NTRK1: variants seen among roughly 807,000 people sequenced by gnomAD.
The protein encoded by NTRK1 is high affinity nerve growth factor receptor.
Under a neutral mutation model 86.8 loss-of-function variants are expected in NTRK1, and 62 were observed. The ratio of observed to expected loss-of-function variants is 0.71; its 90% CI spans 0.58 to 0.88. The LOEUF (loss-of-function observed/expected upper bound fraction) is 0.88, where lower values mean the gene tolerates loss of function less well. Among genes scored for constraint, NTRK1 ranks in the 40% least tolerant of loss-of-function variants. NTRK1 has a pLI of 0.00. For synonymous variants in NTRK1, 469 were observed against 456.6 expected (o/e 1.03, Z -0.35); for missense variants, 967 against 1,078.4 (o/e 0.90, Z 1.45).
chr1:156,853,511 C>T (rs144854565), intron 2 of NTRK1, among the ~76,000 whole-genome samples: 5 of 152,340 alleles, frequency 3.3e-5, no homozygotes, highest in African/African-American at 9.6e-5. Flanking sequence ...CCCATGCCCA[C>T]CTTGAACCTG....
chr1:156,851,502 GAA>G, intron 2 of NTRK1: 1 of 1,607,062 alleles, frequency 6.2e-7, no homozygotes. Context: ...CAAGGGGGCT[GAA>G]TGGGGGCCCC....
intron 12 of NTRK1, 34 bp downstream of exon 12, chr1:156,875,700 AGTGT>A (rs56185968): frequency 0.012 from 17,002 of 1,378,808 alleles, 7 homozygotes; most frequent in East Asian, 0.045. Flanking sequence ...GGCAGGGACG[AGTGT>A]GTGTGTGTGT....
rs139875058 is a variant in NTRK1, at chr1:156,873,803, G to A, written c.1021G>A (p.Val341Met). Residue 341 changes from valine to methionine, a missense_variant, in exon 8 of 17, where the codon GTG (valine) becomes ATG (methionine). Val to Met is a conservative substitution (Grantham distance 21). Coordinates refer to ENST00000524377, the MANE Select transcript of NTRK1 (RefSeq NM_002529.4). ...EFLEPAANET[V>M]RHGCLRLNQP... is the part of the protein sequence containing the mutation. ...CCTGGAGCCGGCAGCCAATGAGACCGTGCGGCACGGGTGTCTGCGCCTCAA... is the reference window on the plus strand; with the variant it reads ...CCTGGAGCCGGCAGCCAATGAGACCATGCGGCACGGGTGTCTGCGCCTCAA... 24 of 1,612,896 alleles carry A rather than the reference G, an allele frequency of 1.5e-5. No individual in the cohort carries two copies. The highest frequency in any genetic ancestry group is 8.9e-5 in the East Asian group (4 of 44,864).
intron 1 of NTRK1, among the ~76,000 whole-genome samples, chr1:156,862,011 C>T (rs997563302): frequency 2.0e-5 from 3 of 152,182 alleles, no homozygotes; most frequent in African/African-American, 4.8e-5. Context: ...CTGGAAAATA[C>T]TTGAATATTA....
At chr1:156,826,069 C>G (rs1442707836) in intron 1 of NTRK1, among the ~76,000 whole-genome samples, 1 of 152,096 alleles carries the variant, frequency 6.6e-6, no homozygotes, top group Non-Finnish European at 1.5e-5. Context: ...ACGCAGCCCC[C>G]CACAGATGGG....
intron 4 of NTRK1, among the ~76,000 whole-genome samples, chr1:156,867,622 A>T (rs116134566): frequency 0.039 from 5,751 of 147,426 alleles, 166 homozygotes; most frequent in East Asian, 0.1. Flanking sequence ...TGTGAGTCAC[A>T]GCGCCTGGCT....
chr1:156,847,676 T>G (rs1200850184), intron 2 of NTRK1, among the ~76,000 whole-genome samples: 12 of 140,802 alleles, frequency 8.5e-5, no homozygotes, highest in South Asian at 2.4e-4. Context: ...GTTGGGGGGG[T>G]GGGGGCTCAT....
At chr1:156,833,557 C>A (rs1346317939) in intron 1 of NTRK1, among the ~76,000 whole-genome samples, 121 of 147,940 alleles carry the variant, frequency 8.2e-4, no homozygotes, top group South Asian at 1.5e-3. Context: ...GACTCCGTCT[C>A]AAAAAATAAA....
intron 1 of NTRK1, among the ~76,000 whole-genome samples, chr1:156,832,255 G>A (rs1432179329): frequency 1.3e-5 from 2 of 152,160 alleles, no homozygotes. Flanking sequence ...AATTCATCAA[G>A]CATCTATTTG....
At chr1:156,827,701 A>G (rs1398491697) in intron 1 of NTRK1, among the ~76,000 whole-genome samples, 1 of 152,126 alleles carries the variant, frequency 6.6e-6, no homozygotes, top group East Asian at 1.9e-4. Context: ...CTGGCTGCAT[A>G]TTAGTGCCTC....
At chr1:156,866,869 T>A (rs759486005) in intron 3 of NTRK1, 41 bp from the exon 4 acceptor site, 1 of 1,604,612 alleles carries the variant, frequency 6.2e-7, no homozygotes, top group South Asian at 1.1e-5. Flanking sequence ...TGAGGTCGGG[T>A]CACTCAAGGG....
intron 1 of NTRK1, among the ~76,000 whole-genome samples, chr1:156,824,611 G>A (rs766950466): frequency 3.9e-5 from 6 of 152,174 alleles, no homozygotes; most frequent in Non-Finnish European, 7.4e-5. Flanking sequence ...GTCACTTGGT[G>A]CCCATTGGTC....
intron 4 of NTRK1, among the ~76,000 whole-genome samples, chr1:156,867,894 C>T (rs1016447478): frequency 1.3e-4 from 19 of 148,946 alleles, no homozygotes; most frequent in Admixed American, 8.0e-4. Flanking sequence ...AGGATGGTCT[C>T]GATCTTCTGA....
intron 2 of NTRK1, chr1:156,845,283 G>A: frequency 6.2e-7 from 1 of 1,612,560 alleles, no homozygotes; most frequent in South Asian, 1.1e-5. Context: ...GCCCGGCGGT[G>A]CCGCCCTGAG....
At chr1:156,849,513 G>GGGGGGCTGGGGGGGGT in intron 2 of NTRK1, 1 of 486,120 alleles carries the variant, frequency 2.1e-6, no homozygotes, top group Non-Finnish European at 4.1e-6. Context: ...CAGGGGGTGG[G>GGGGGGCTGGGGGGGGT]AAAGGGGATG....
chr1:156,879,024 C>A (rs2102923553), intron 14 of NTRK1, 98 bp from the exon 15 acceptor site: 3 of 1,417,582 alleles, frequency 2.1e-6, no homozygotes, highest in Non-Finnish European at 2.9e-6. Flanking sequence ...GGTCCCCAGT[C>A]TCCTCTCCCA....
chr1:156,831,513 G>C (rs777761576), intron 1 of NTRK1, among the ~76,000 whole-genome samples: 11 of 152,152 alleles, frequency 7.2e-5, no homozygotes, highest in South Asian at 2.1e-4. Flanking sequence ...GTGCTTGGAG[G>C]GGGTGGACAG....
At position 156,862,510 on chromosome 1, in the gene NTRK1, A is replaced by T. The variant is rs180892845; in HGVS notation, c.212+1364A>T. ...GGGATGGGAGTGGTAGGGGGAGTGG[A>T]CAGGCCAGAACTGGGGACTAGCAAG... On this transcript the variant is annotated intron_variant, in intron 1 of 16. Transcript: ENST00000524377. Among the ~76,000 whole-genome samples, 723 of 152,202 alleles carry T rather than the reference A, an allele frequency of 4.8e-3. 6 individuals carry two copies. The highest frequency in any genetic ancestry group is 0.018 in the South Asian group (87 of 4,824).
Position 156,881,491 on chromosome 1 carries a change from A to T in NTRK1, c.2240A>T (p.Glu747Val), listed in dbSNP as rs756714717. 16 of 1,586,530 alleles carry T rather than the reference A, an allele frequency of 1.0e-5. No individual in the cohort carries two copies. In the South Asian group the frequency reaches 1.8e-4, roughly 18 times the overall value. ...TGCATCACGCAGGGACGTGAGTTGG[A>T]GCGGCCACGTGCCTGCCCACCAGAG... ...IDCITQGREL[E>V]RPRACPPEVY... is the part of the protein sequence containing the mutation. Residue 747 changes from glutamate (E) to valine (V), a missense_variant, in exon 17 of 17, where the codon GAG (glutamate) becomes GTG (valine). Glu to Val is a moderately radical substitution (Grantham distance 121). Transcript: ENST00000524377.
Sources: allele counts gnomAD v4.1 joint callset (sites outside exome capture counted in the v4.1 genomes callset), GRCh38; gene constraint gnomAD v4.1.1; transcripts MANE v1.5; gene names NCBI Gene and HGNC (gene_info 2026-07-23, HGNC 2026-07-21).